Variants in SLC30A4 observed in about 807,000 individuals in gnomAD.
The protein encoded by SLC30A4 is probable proton-coupled zinc antiporter SLC30A4.
Under a neutral mutation model 41.7 loss-of-function variants are expected in SLC30A4, and 20 were observed. The ratio of observed to expected loss-of-function variants is 0.48; its 90% CI spans 0.34 to 0.70. SLC30A4 has a LOEUF of 0.70. Among genes scored for constraint, SLC30A4 ranks in the 30% least tolerant of loss-of-function variants. SLC30A4 has a pLI of 0.01. For synonymous variants in SLC30A4, 181 were observed against 195.9 expected (o/e 0.92, Z 0.64); for missense variants, 441 against 529.3 (o/e 0.83, Z 1.64).
At position 45,481,129 on chromosome 15, in the gene SLC30A4, C is replaced by G. The variant is rs143014862; in HGVS notation, c.*4034G>C. The G allele has an allele frequency of 2.6e-5, 4 of 152,244 alleles. No homozygotes were observed. Among genetic ancestry groups the G allele is most frequent in the Non-Finnish European group, 5.9e-5 (4 of 68,032 alleles). 9.4% of individuals were successfully genotyped at this position (152,244 alleles called of 1,614,324 possible). On this transcript the variant is annotated 3_prime_UTR_variant, in exon 8 of 8. Transcript: ENST00000261867. Reference sequence around the variant, plus strand: ...CCTGGGTTCAAAAGGAACACTAAGTCTCGTAAGAGCAAGAAACTTAGTTTT... The same window carrying G: ...CCTGGGTTCAAAAGGAACACTAAGTGTCGTAAGAGCAAGAAACTTAGTTTT...
At chr15:45,497,289 C>G (rs1241667350) in intron 3 of SLC30A4, 1 of 152,132 alleles carries the variant, frequency 6.6e-6, no homozygotes, top group African/African-American at 2.4e-5. Context: ...AGGGTAGTTT[C>G]AAATTCCTGA....
At chr15:45,498,804 TGGGA>T (rs953548809) in intron 3 of SLC30A4, among the ~76,000 whole-genome samples, 5 of 152,146 alleles carry the variant, frequency 3.3e-5, no homozygotes, top group African/African-American at 1.2e-4. Flanking sequence ...TTGTCAGTGG[TGGGA>T]GGAAGTTGTC....
intron 3 of SLC30A4, among the ~76,000 whole-genome samples, chr15:45,505,006 G>A (rs1892119560): frequency 6.6e-6 from 1 of 152,082 alleles, no homozygotes; most frequent in Non-Finnish European, 1.5e-5. Flanking sequence ...TGCGGTGGGA[G>A]GATCACATGA....
At chr15:45,497,313 GC>G (rs1468626663) in intron 3 of SLC30A4, 5 of 152,074 alleles carry the variant, frequency 3.3e-5, no homozygotes, top group African/African-American at 1.2e-4. Flanking sequence ...CAGGTGATAT[GC>G]CAGTATCAGC....
intron 3 of SLC30A4, among the ~76,000 whole-genome samples, chr15:45,493,084 C>T (rs1970374): frequency 0.085 from 12,854 of 152,046 alleles, 1,801 homozygotes; most frequent in African/African-American, 0.29. Flanking sequence ...CCAGCCTGAC[C>T]AACATGGCAA....
chr15:45,507,499 CTTTT>C (rs527747375), intron 3 of SLC30A4, among the ~76,000 whole-genome samples: 1 of 136,508 alleles, frequency 7.3e-6, no homozygotes, highest in African/African-American at 2.7e-5. Context: ...TTTCTTTTTC[CTTTT>C]TTTTTTTTTT....
intron 2 of SLC30A4, among the ~76,000 whole-genome samples, chr15:45,515,225 A>G (rs1456110004): frequency 6.6e-6 from 1 of 150,998 alleles, no homozygotes; most frequent in East Asian, 2.0e-4. Context: ...ATAAGCTCTC[A>G]CTATACTGCC....
At chr15:45,511,011 G>GTTT in intron 3 of SLC30A4, 127 bp downstream of exon 3, 1 of 703,904 alleles carries the variant, frequency 1.4e-6, no homozygotes, top group Non-Finnish European at 2.4e-6. Context: ...AATAAATTTT[G>GTTT]TTTATCTATT....
At position 45,481,489 on chromosome 15, in the gene SLC30A4, G is replaced by C. The variant is rs1179125736; in HGVS notation, c.*3674C>G. On this transcript the variant is annotated 3_prime_UTR_variant, in exon 8 of 8. Transcript: ENST00000261867. Reference sequence around the variant, plus strand: ...CACGTTTATGTACACAAGTAACTCTGATTATTTGCAAATACTAATTAAAAT... The same window carrying C: ...CACGTTTATGTACACAAGTAACTCTCATTATTTGCAAATACTAATTAAAAT... 1 of 152,222 alleles carries C rather than the reference G, an allele frequency of 6.6e-6. No homozygotes were observed. Among genetic ancestry groups the C allele is most frequent in the Non-Finnish European group, 1.5e-5 (1 of 68,038 alleles). 9.4% of individuals were successfully genotyped at this position (152,222 alleles called of 1,614,324 possible). A position where few individuals can be genotyped will look rare whatever the true frequency, so the allele number is the denominator to read the frequency against.
At chr15:45,487,409 T>C in intron 6 of SLC30A4, 118 bp downstream of exon 6, 1 of 553,636 alleles carries the variant, frequency 1.8e-6, no homozygotes, top group Non-Finnish European at 3.3e-6. Context: ...TACTGTTATA[T>C]AGCCTAAAAG....
At chr15:45,505,872 G>GT (rs1297631546) in intron 3 of SLC30A4, among the ~76,000 whole-genome samples, 1 of 152,114 alleles carries the variant, frequency 6.6e-6, no homozygotes, top group African/African-American at 2.4e-5. Context: ...AGACTTCTCT[G>GT]TGTTTTCTTT....
chr15:45,522,298 C>T lies in SLC30A4; in HGVS notation c.57G>A (p.Ala19=). 2 of 1,614,082 alleles carry T rather than the reference C, an allele frequency of 1.2e-6. No homozygotes were observed. Among genetic ancestry groups the T allele is most frequent in the African/African-American group, 1.3e-5 (1 of 75,058 alleles). ...RLKSMLRKDD[A]PLFLNDTSAF... ...CGCTGGTGTCATTTAAAAACAGCGG[C>T]GCATCATCCTTCCTTAGCATAGATT... is the stretch of plus-strand genomic sequence containing the variant. The change falls in exon 2 of 8, where the codon GCG becomes GCA. Residue 19 remains alanine (A), a synonymous_variant. Coordinates refer to ENST00000261867, the MANE Select transcript of SLC30A4 (RefSeq NM_013309.6).
chr15:45,491,736 G>T (rs928673941), intron 3 of SLC30A4, among the ~76,000 whole-genome samples: 2 of 152,070 alleles, frequency 1.3e-5, no homozygotes, highest in African/African-American at 4.8e-5. Flanking sequence ...GGACATGGTG[G>T]TGAGCACCTA....
At chr15:45,503,261 G>A (rs912786896) in intron 3 of SLC30A4, among the ~76,000 whole-genome samples, 4 of 152,220 alleles carry the variant, frequency 2.6e-5, no homozygotes, top group African/African-American at 9.6e-5. Flanking sequence ...GACAAAAGAA[G>A]ACCTGAAATT....
At chr15:45,504,953 G>A (rs953070108) in intron 3 of SLC30A4, among the ~76,000 whole-genome samples, 5 of 152,134 alleles carry the variant, frequency 3.3e-5, no homozygotes, top group Admixed American at 6.5e-5. Context: ...ACAATCAACC[G>A]GGTATGGTGG....
chr15:45,494,327 A>T (rs898192263), intron 3 of SLC30A4, among the ~76,000 whole-genome samples: 26 of 152,080 alleles, frequency 1.7e-4, no homozygotes, highest in Admixed American at 1.3e-3. Context: ...TAAGCCAAAT[A>T]AAAAAAACAC....
Position 45,507,284 on chromosome 15 carries a change from C to A in SLC30A4, c.538+3854G>T, listed in dbSNP as rs12913524. ...GCAGTAAGCCGAGACCGCGCCATTG[C>A]ACTCCAGCCTGGGTGACACAGTGAG... On this transcript the variant is annotated intron_variant, in intron 3 of 7. Transcript: ENST00000261867. Among the ~76,000 whole-genome samples, 17 of 150,972 alleles carry A rather than the reference C, an allele frequency of 1.1e-4. No individual in the cohort carries two copies. In the South Asian group the frequency reaches 3.4e-3, roughly 30 times the overall value.
intron 3 of SLC30A4, among the ~76,000 whole-genome samples, chr15:45,496,582 A>G (rs1891910698): frequency 6.6e-6 from 1 of 152,150 alleles, no homozygotes; most frequent in Non-Finnish European, 1.5e-5. Flanking sequence ...GAGACAGGGT[A>G]TCACTATGTT....
In SLC30A4 at chr15:45,481,771, C is replaced by A. The variant is rs1274236086; in HGVS notation, c.*3392G>T. On this transcript the variant is annotated 3_prime_UTR_variant, in exon 8 of 8. Coordinates refer to ENST00000261867, the MANE Select transcript of SLC30A4 (RefSeq NM_013309.6). ...CTATCTGCTAAGTTAATGTCCTTTTCTGTGGGTTAAGTTACAAAAAGTGAA... is the reference window on the plus strand; with the variant it reads ...CTATCTGCTAAGTTAATGTCCTTTTATGTGGGTTAAGTTACAAAAAGTGAA... 6.6e-6 allele frequency: 1 copy of A among 152,138 alleles called. No homozygotes were observed. The highest frequency in any genetic ancestry group is 1.5e-5 in the Non-Finnish European group (1 of 68,028). 9.4% of individuals were successfully genotyped at this position (152,138 alleles called of 1,614,324 possible).
Sources: gnomAD v4.1 joint callset for allele counts (sites outside exome capture counted in the v4.1 genomes callset) on GRCh38, gnomAD v4.1.1 for gene constraint, MANE v1.5 for transcripts, NCBI Gene and HGNC (gene_info 2026-07-23, HGNC 2026-07-21) for gene names.